MSRA: variants seen among roughly 807,000 people sequenced by gnomAD.
MSRA encodes the protein methionine sulfoxide reductase A.
A neutral mutation model predicts 31.3 loss-of-function variants in MSRA; 54 were observed. The ratio of observed to expected loss-of-function variants is 1.73; its 90% confidence interval spans 1.39 to 2.17. The LOEUF is 2.17. MSRA is among the 30% of genes most tolerant of loss of function. MSRA has a pLI of 0.00. For synonymous variants in MSRA, 169 were observed against 116.5 expected (o/e 1.45, Z -2.90); for missense variants, 507 against 300.9 (o/e 1.69, Z -5.07).
At chr8:10,253,550 T>C (rs1049058247) in intron 3 of MSRA, among the ~76,000 whole-genome samples, 21 of 152,234 alleles carry the variant, frequency 1.4e-4, no homozygotes, top group African/African-American at 4.6e-4. Context: ...TTTTACCCAT[T>C]CAACACTAGA....
At chr8:10,146,120 G>A (rs1398874650) in intron 1 of MSRA, among the ~76,000 whole-genome samples, 1 of 152,150 alleles carries the variant, frequency 6.6e-6, no homozygotes, top group Non-Finnish European at 1.5e-5. Context: ...AGGAGTGTGT[G>A]GTTTGGACCA....
chr8:10,147,105 CAGAG>C (rs981377603), intron 1 of MSRA, among the ~76,000 whole-genome samples: 19 of 152,240 alleles, frequency 1.2e-4, no homozygotes, highest in East Asian at 5.8e-4. Flanking sequence ...GTAAGGGACA[CAGAG>C]AGCAGAATGT....
chr8:10,383,388 G>GT (rs1242564515), intron 5 of MSRA, among the ~76,000 whole-genome samples: 1 of 152,202 alleles, frequency 6.6e-6, no homozygotes, highest in African/African-American at 2.4e-5. Flanking sequence ...TGTGTTGTGT[G>GT]TTTCTGTGTG....
intron 1 of MSRA, among the ~76,000 whole-genome samples, chr8:10,175,574 A>G (rs1417422372): frequency 1.3e-5 from 2 of 152,248 alleles, no homozygotes; most frequent in East Asian, 1.9e-4. Context: ...TAAAATGACT[A>G]TCTTGAATAT....
intron 1 of MSRA, among the ~76,000 whole-genome samples, chr8:10,099,095 G>C (rs1178942501): frequency 6.6e-6 from 1 of 150,848 alleles, no homozygotes; most frequent in Non-Finnish European, 1.5e-5. Context: ...GTTCGTGTGT[G>C]TGTATGTTTG....
At chr8:10,348,099 A>G (rs1270125900) in intron 5 of MSRA, among the ~76,000 whole-genome samples, 1 of 152,176 alleles carries the variant, frequency 6.6e-6, no homozygotes, top group East Asian at 1.9e-4. Flanking sequence ...TCATCCTTAG[A>G]TGGATTTGGG....
At chr8:10,310,078 C>A (rs1264478282) in intron 4 of MSRA, among the ~76,000 whole-genome samples, 1 of 152,220 alleles carries the variant, frequency 6.6e-6, no homozygotes, top group East Asian at 1.9e-4. Context: ...CTTGTGCTGA[C>A]CCCTTGAAGT....
intron 5 of MSRA, among the ~76,000 whole-genome samples, chr8:10,343,681 G>C (rs1044327518): frequency 4.6e-5 from 7 of 152,020 alleles, no homozygotes; most frequent in African/African-American, 1.4e-4. Flanking sequence ...GGGGGTCCCT[G>C]GTGACCTGCA....
intron 1 of MSRA, among the ~76,000 whole-genome samples, chr8:10,174,896 C>A (rs1057429336): frequency 1.3e-5 from 2 of 152,138 alleles, no homozygotes; most frequent in African/African-American, 4.8e-5. Flanking sequence ...GTCAATAGAT[C>A]TCATCTCCCC....
intron 5 of MSRA, among the ~76,000 whole-genome samples, chr8:10,332,846 G>C (rs2129144908): frequency 6.6e-6 from 1 of 152,318 alleles, no homozygotes; most frequent in Middle Eastern, 3.4e-3. Flanking sequence ...ATATTAAACT[G>C]TGTGCATCCG....
chr8:10,379,887 T>C (rs1464970920), intron 5 of MSRA, among the ~76,000 whole-genome samples: 1 of 152,206 alleles, frequency 6.6e-6, no homozygotes, highest in East Asian at 1.9e-4. Flanking sequence ...TTCATCATTA[T>C]TGGCTCATGG....
chr8:10,336,973 C>G (rs1803088112), intron 5 of MSRA: 1 of 152,188 alleles, frequency 6.6e-6, no homozygotes, highest in African/African-American at 2.4e-5. Flanking sequence ...TACCTGGCCA[C>G]AAGGCTGCCA....
intron 5 of MSRA, among the ~76,000 whole-genome samples, chr8:10,325,922 T>G (rs1047591915): frequency 6.6e-6 from 1 of 152,146 alleles, no homozygotes; most frequent in African/African-American, 2.4e-5. Flanking sequence ...TTCTTAACAC[T>G]CCTGGATTAT....
chr8:10,096,902 G>A (rs964958837), intron 1 of MSRA, among the ~76,000 whole-genome samples: 1 of 152,112 alleles, frequency 6.6e-6, no homozygotes, highest in Non-Finnish European at 1.5e-5. Flanking sequence ...CTATAATCAT[G>A]TATTTTCTTT....
chr8:10,254,032 A>T (rs1232244305), intron 3 of MSRA, among the ~76,000 whole-genome samples: 4 of 151,990 alleles, frequency 2.6e-5, no homozygotes, highest in Admixed American at 2.6e-4. Context: ...CGTGCCTCCG[A>T]TCTGCCGGGG....
chr8:10,223,470 G>C (rs1426590034), intron 2 of MSRA, among the ~76,000 whole-genome samples: 1 of 152,180 alleles, frequency 6.6e-6, no homozygotes, highest in Non-Finnish European at 1.5e-5. Context: ...ACAGACCACT[G>C]GGATAGAATG....
intron 1 of MSRA, among the ~76,000 whole-genome samples, chr8:10,179,827 G>A (rs763546027): frequency 1.6e-4 from 25 of 152,270 alleles, no homozygotes; most frequent in Non-Finnish European, 3.2e-4. Flanking sequence ...GATACCTTCC[G>A]ATGCCTTCCT....
chr8:10,083,162 A>G (rs1798377885), intron 1 of MSRA, among the ~76,000 whole-genome samples: 1 of 152,226 alleles, frequency 6.6e-6, no homozygotes, highest in Non-Finnish European at 1.5e-5. Flanking sequence ...TTAAAAATAT[A>G]AAGCCATATT....
At chr8:10,339,838 G>A (rs192639360) in intron 5 of MSRA, among the ~76,000 whole-genome samples, 1 of 151,624 alleles carries the variant, frequency 6.6e-6, no homozygotes, top group Non-Finnish European at 1.5e-5. Flanking sequence ...ACCACGCCCG[G>A]CAGCAAGGGG....
Sources: allele counts gnomAD v4.1 joint callset (sites outside exome capture counted in the v4.1 genomes callset), GRCh38; gene constraint gnomAD v4.1.1; transcripts MANE v1.5; gene names NCBI Gene and HGNC (gene_info 2026-07-23, HGNC 2026-07-21).